Variants in PRXL2A observed in about 807,000 individuals in gnomAD.
PRXL2A encodes peroxiredoxin like 2A, also known as peroxiredoxin-like 2A.
A neutral mutation model predicts 25.6 loss-of-function variants in PRXL2A; 26 were observed. That is an observed-to-expected ratio of 1.02 (90% confidence interval 0.74 to 1.41). The LOEUF is 1.41. Among genes scored for constraint, PRXL2A ranks in the 40% most tolerant of loss-of-function variants. The probability of loss-of-function intolerance (pLI) is 0.00; values close to 1 mark genes in which losing one functional copy is unlikely to be tolerated. For missense variants in PRXL2A, 246 were observed against 273.9 expected (o/e 0.90, Z 0.72); for synonymous variants, 98 against 102.9 (o/e 0.95, Z 0.29).
rs7907224 is a variant in PRXL2A at position 80,434,156 on chromosome 10, A to G, written c.*2057A>G. On this transcript the variant is annotated 3_prime_UTR_variant, in exon 6 of 6. Coordinates refer to ENST00000606162, the MANE Select transcript of PRXL2A (RefSeq NM_032333.5). ...ATCAAAAAAAAAAACCTGAGAGGAC[A>G]TTGCACCAATGGAGATGCATCAAGA... 66,259 of 151,806 alleles carry G rather than the reference A, an allele frequency of 0.44. 17,491 individuals are homozygous for G. Among genetic ancestry groups the G allele is most frequent in the African/African-American group, 0.75 (30,919 of 41,402 alleles). The allele number at this position is 151,806 out of a possible 1,614,324, so 9.4% of individuals were successfully genotyped here. A position where few individuals can be genotyped will look rare whatever the true frequency, so the allele number is the denominator to read the frequency against.
chr10:80,414,776 C>A (rs149905029), intron 1 of PRXL2A, among the ~76,000 whole-genome samples: 3 of 152,286 alleles, frequency 2.0e-5, no homozygotes, highest in African/African-American at 7.2e-5. Flanking sequence ...CATCACAAGA[C>A]TGTTGAGTGA....
intron 1 of PRXL2A, among the ~76,000 whole-genome samples, chr10:80,417,410 G>C (rs1024472375): frequency 1.3e-5 from 2 of 152,144 alleles, no homozygotes; most frequent in Non-Finnish European, 2.9e-5. Context: ...TTGCGGAAGG[G>C]GGTTGGGTAA....
At chr10:80,418,041 A>G (rs61859240) in intron 1 of PRXL2A, among the ~76,000 whole-genome samples, 3 of 147,920 alleles carry the variant, frequency 2.0e-5, no homozygotes, top group East Asian at 3.9e-4. Context: ...TTTTTTTTTA[A>G]TTATTTTAGA....
upstream of PRXL2A, among the ~76,000 whole-genome samples, chr10:80,408,159 C>T (rs968946769): frequency 2.9e-5 from 4 of 139,810 alleles, no homozygotes; most frequent in African/African-American, 1.2e-4. Flanking sequence ...TTCCCCCTGC[C>T]CATGGAGGTT....
At position 80,427,513 on chromosome 10, in the gene PRXL2A, T is replaced by C; in HGVS notation, c.576+17T>C. ...GGAAAGCAGGTGAGTTCTTGGTGTT[T>C]ACTTGTGGTCTGTAGGTGTCTGTGT... On this transcript the variant is annotated intron_variant, in intron 5 of 5. Coordinates refer to ENST00000606162, the MANE Select transcript of PRXL2A (RefSeq NM_032333.5). 2 of 1,613,628 alleles carry C rather than the reference T, an allele frequency of 1.2e-6. No homozygotes were observed. Among genetic ancestry groups the C allele is most frequent in the Non-Finnish European group, 1.7e-6 (2 of 1,179,720 alleles).
At position 80,422,458 on chromosome 10, in the gene PRXL2A, G is replaced by A; in HGVS notation, c.220G>A (p.Gly74Arg). Residue 74 changes from glycine (G) to arginine (R), a missense_variant, in exon 3 of 6, where the codon GGA (glycine) becomes AGA (arginine). Physicochemically the swap from Gly to Arg is moderately radical, Grantham distance 125. Transcript: ENST00000606162. The stretch of plus-strand genomic sequence containing the variant: ...AGCAAAGGAGCTATGGGAAAAAAAT[G>A]GAGCTGTGATTATGGCCGTGCGGAG... The part of the protein sequence containing the change: ...FKAKELWEKN[G>R]AVIMAVRRPG... 6.2e-7 allele frequency: 1 copy of A among 1,614,118 alleles called. No individual in the cohort carries two copies. Among genetic ancestry groups the A allele is most frequent in the Non-Finnish European group, 8.5e-7 (1 of 1,179,998 alleles).
chr10:80,432,070 C>T lies in PRXL2A; in HGVS notation c.661C>T (p.Pro221Ser), dbSNP rs1172095855. 1 of 1,608,570 alleles carries T rather than the reference C, an allele frequency of 6.2e-7. No individual in the cohort carries two copies. Among genetic ancestry groups the T allele is most frequent in the African/African-American group, 1.3e-5 (1 of 74,218 alleles). Residue 221 changes from proline to serine, a missense_variant, in exon 6 of 6, where the codon CCA becomes TCA. By Grantham distance (74) the Pro-to-Ser change is moderately conservative. Coordinates refer to ENST00000606162, the MANE Select transcript of PRXL2A (RefSeq NM_032333.5). ...SVLEAAKMIK[P>S]QTLASEKK ...TCTGGAAGCTGCTAAGATGATCAAA[C>T]CACAGACTTTGGCCTCAGAGAAAAA...
Position 80,434,050 on chromosome 10 carries a change from T to C in PRXL2A, c.*1951T>C, listed in dbSNP as rs1425879726. The C allele has an allele frequency of 2.0e-5, 3 of 152,456 alleles. No homozygotes were observed. The highest frequency in any genetic ancestry group is 4.8e-5 in the African/African-American group (2 of 41,426). 9.4% of individuals were successfully genotyped at this position (152,456 alleles called of 1,614,324 possible). A position where few individuals can be genotyped will look rare whatever the true frequency, so the allele number is the denominator to read the frequency against. ...TGGGAGGCTGAGGCAGGAGAATCGC[T>C]TGAACCCAGGAGGCAGAGGTTGCAG... is the stretch of plus-strand genomic sequence containing the variant. On this transcript the variant is annotated 3_prime_UTR_variant, in exon 6 of 6. Coordinates refer to ENST00000606162, the MANE Select transcript of PRXL2A (RefSeq NM_032333.5).
chr10:80,432,303 T>G lies in PRXL2A; in HGVS notation c.*204T>G. ...CAAGACTGACAAAAATCTGAAAAAC[T>G]AATGAGGATTATTAAGCTAAAACCT... On this transcript the variant is annotated 3_prime_UTR_variant, in exon 6 of 6. Coordinates refer to ENST00000606162, the MANE Select transcript of PRXL2A (RefSeq NM_032333.5). 2.0e-6 allele frequency: 1 copy of G among 502,578 alleles called. No homozygotes were observed. The highest frequency in any genetic ancestry group is 3.4e-6 in the Non-Finnish European group (1 of 290,720). The allele number at this position is 502,578 out of a possible 1,614,324, so 31.1% of individuals were successfully genotyped here.
At position 80,421,209 on chromosome 10, in the gene PRXL2A, C is replaced by CT. The variant is rs140163519; in HGVS notation, c.178+565dup. 7.3e-3 allele frequency among the ~76,000 whole-genome samples: 1,113 copies of CT among 152,306 alleles called. 1 individual carries two copies. The highest frequency in any genetic ancestry group is 9.3e-3 in the Non-Finnish European group (630 of 68,032). On this transcript the variant is annotated intron_variant, in intron 2 of 5. Coordinates refer to ENST00000606162, the MANE Select transcript of PRXL2A (RefSeq NM_032333.5). Reference sequence around the variant, plus strand: ...CCTCCCTGTGAAGAAGCTGTGGTGTCTGAGGAATCACTTCAAGGTCACCCG... The same window carrying CT: ...CCTCCCTGTGAAGAAGCTGTGGTGTCTTGAGGAATCACTTCAAGGTCACCCG...
chr10:80,414,748 T>A (rs1339004078), intron 1 of PRXL2A, among the ~76,000 whole-genome samples: 1 of 152,190 alleles, frequency 6.6e-6, no homozygotes, highest in Non-Finnish European at 1.5e-5. Flanking sequence ...TGTTAGCTGC[T>A]AAACAGGATA....
chr10:80,418,082 T>C (rs1432419766), intron 1 of PRXL2A, among the ~76,000 whole-genome samples: 1 of 152,006 alleles, frequency 6.6e-6, no homozygotes, highest in Non-Finnish European at 1.5e-5. Flanking sequence ...ATTTGTTACA[T>C]GGGTATATTG....
chr10:80,434,306 C>A lies in PRXL2A; in HGVS notation c.*2207C>A, dbSNP rs1845344918. The A allele has an allele frequency of 6.6e-6, 1 of 152,142 alleles. No individual in the cohort carries two copies. Among genetic ancestry groups the A allele is most frequent in the African/African-American group, 2.4e-5 (1 of 41,428 alleles). The allele number at this position is 152,142 out of a possible 1,614,324, so 9.4% of individuals were successfully genotyped here. ...AAGAGCACTGGATTGAGTCATGAGGCATAATCAATTTCTAGTTTACCAGTG... is the reference window on the plus strand; with the variant it reads ...AAGAGCACTGGATTGAGTCATGAGGAATAATCAATTTCTAGTTTACCAGTG... On this transcript the variant is annotated 3_prime_UTR_variant, in exon 6 of 6. Coordinates refer to ENST00000606162, the MANE Select transcript of PRXL2A (RefSeq NM_032333.5).
At chr10:80,427,187 G>A (rs1031872986) in intron 4 of PRXL2A, 145 bp from the exon 5 acceptor site, 6 of 617,798 alleles carry the variant, frequency 9.7e-6, no homozygotes, top group East Asian at 2.8e-5. Context: ...TGGGCAGTGT[G>A]TGTGTGTTGG....
In PRXL2A at chr10:80,432,245, GT is replaced by G. The variant is rs1427133525; in HGVS notation, c.*149del. The G allele has an allele frequency of 1.8e-5, 10 of 554,768 alleles. No homozygotes were observed. In the Admixed American group the frequency reaches 3.4e-4, roughly 19 times the overall value. The allele number at this position is 554,768 out of a possible 1,614,324, so 34.4% of individuals were successfully genotyped here. The stretch of plus-strand genomic sequence containing the variant: ...GATTATTAATGTATTTTAATATTCT[GT>G]TTAGGCCCACTAAGGCAAAATAGCC... On this transcript the variant is annotated 3_prime_UTR_variant, in exon 6 of 6. Coordinates refer to ENST00000606162, the MANE Select transcript of PRXL2A (RefSeq NM_032333.5).
At chr10:80,411,287 A>G (rs1844468677) in intron 1 of PRXL2A, among the ~76,000 whole-genome samples, 1 of 152,244 alleles carries the variant, frequency 6.6e-6, no homozygotes, top group African/African-American at 2.4e-5. Context: ...GCTTCAGATT[A>G]TAAGCTGCTT....
Position 80,422,471 on chromosome 10 carries a change from T to A in PRXL2A, c.233T>A (p.Met78Lys), listed in dbSNP as rs758475874. ...TGGGAAAAAAATGGAGCTGTGATTATGGCCGTGCGGAGGCCAGGCTGTTTC... is the reference window on the plus strand; with the variant it reads ...TGGGAAAAAAATGGAGCTGTGATTAAGGCCGTGCGGAGGCCAGGCTGTTTC... ...ELWEKNGAVIMAVRRPGCFLC... is the reference protein window; with the variant it reads ...ELWEKNGAVIKAVRRPGCFLC... Residue 78 changes from methionine (M) to lysine (K), a missense_variant, in exon 3 of 6, where the codon ATG becomes AAG. By Grantham distance (95) the Met-to-Lys change is moderately conservative (BLOSUM62 -1). Transcript: ENST00000606162. The A allele has an allele frequency of 8.1e-6, 13 of 1,614,046 alleles. No homozygotes were observed. The highest frequency in any genetic ancestry group is 1.3e-5 in the African/African-American group (1 of 74,938).
intron 1 of PRXL2A, chr10:80,420,211 G>C (rs1844815198): frequency 5.3e-6 from 6 of 1,142,832 alleles, no homozygotes; most frequent in Non-Finnish European, 6.5e-6. Flanking sequence ...TGAGAAGGCT[G>C]TCCTTTCTCT....
rs754247865 is a variant in PRXL2A at position 80,432,090 on chromosome 10, G to GA, written c.687dup (p.Ter230MetfsTer4). The GA allele has an allele frequency of 2.2e-5, 35 of 1,601,644 alleles. No homozygotes were observed. In the East Asian group the frequency reaches 7.8e-4, roughly 36 times the overall value. ...TCAAACCACAGACTTTGGCCTCAGA[G>GA]AAAAAATGATTGTGTGAAACTGCCC... On this transcript the variant is annotated frameshift_variant, in exon 6 of 6. Transcript: ENST00000606162. LOFTEE classifies it high-confidence loss of function.
Sources: gnomAD v4.1 joint callset for allele counts (sites outside exome capture counted in the v4.1 genomes callset) on GRCh38, gnomAD v4.1.1 for gene constraint, MANE v1.5 for transcripts, NCBI Gene and HGNC (gene_info 2026-07-23, HGNC 2026-07-21) for gene names.